The following NEK7 variants were observed in gnomAD, a reference collection of about 807,000 sequenced individuals.
NEK7 encodes the protein NIMA related kinase 7.
A neutral mutation model predicts 44.6 loss-of-function variants in NEK7; 18 were observed. The observed-to-expected ratio is 0.40, with a 90% CI of 0.28 to 0.60. The LOEUF is 0.60. Ranked by LOEUF, NEK7 falls within the 20% of genes least tolerant of loss-of-function variation. NEK7 has a pLI of 0.38. For missense variants in NEK7, 256 were observed against 366.5 expected, an observed-to-expected ratio of 0.70 and a Z score of 2.46; for synonymous variants, 130 against 121.1, an observed-to-expected ratio of 1.07 and a Z score of -0.48.
At chr1:198,310,682 C>T (rs12145489) in intron 9 of NEK7, among the ~76,000 whole-genome samples, 1,830 of 152,200 alleles carry the variant, frequency 0.012, 18 homozygotes, top group Middle Eastern at 0.037. Flanking sequence ...TTCCCCAACA[C>T]CATTTATTAA....
At chr1:198,300,373 C>A (rs901109574) in intron 9 of NEK7, among the ~76,000 whole-genome samples, 34 of 152,298 alleles carry the variant, frequency 2.2e-4, no homozygotes, top group African/African-American at 8.2e-4. Flanking sequence ...TAACTCTTAT[C>A]AATGCAAGTT....
At chr1:198,278,899 T>G in intron 6 of NEK7, 55 bp from the exon 7 acceptor site, 3 of 968,342 alleles carry the variant, frequency 3.1e-6, no homozygotes, top group Non-Finnish European at 4.8e-6. Flanking sequence ...GTTAATTCCT[T>G]TAAAATTTCT....
chr1:198,252,528 C>CCATATA (rs1553253585), intron 2 of NEK7, among the ~76,000 whole-genome samples: 1 of 32,694 alleles, frequency 3.1e-5, no homozygotes, highest in Admixed American at 3.5e-4. Flanking sequence ...ATCTCACATA[C>CCATATA]TATATATATA....
intron 7 of NEK7, among the ~76,000 whole-genome samples, chr1:198,287,849 T>C (rs191808716): frequency 6.6e-6 from 1 of 152,374 alleles, no homozygotes; most frequent in Admixed American, 6.5e-5. Flanking sequence ...CTTGAACTGC[T>C]GTTTACCTTT....
At chr1:198,182,740 T>A (rs1007218811) in intron 1 of NEK7, among the ~76,000 whole-genome samples, 8 of 152,168 alleles carry the variant, frequency 5.3e-5, no homozygotes, top group African/African-American at 1.9e-4. Context: ...TAAAATATAG[T>A]ACAACTGATT....
chr1:198,168,050 C>A (rs1048241876), intron 1 of NEK7, among the ~76,000 whole-genome samples: 1 of 152,214 alleles, frequency 6.6e-6, no homozygotes, highest in African/African-American at 2.4e-5. Context: ...TTATAAACAG[C>A]ACAAGCCCTT....
chr1:198,243,887 T>C (rs1198928290), intron 2 of NEK7, among the ~76,000 whole-genome samples: 3 of 151,474 alleles, frequency 2.0e-5, no homozygotes, highest in Non-Finnish European at 2.9e-5. Flanking sequence ...GTGGCACATA[T>C]GGTGTTTTTT....
At chr1:198,201,299 A>G (rs1341943988) in intron 1 of NEK7, among the ~76,000 whole-genome samples, 1 of 152,176 alleles carries the variant, frequency 6.6e-6, no homozygotes, top group East Asian at 1.9e-4. Context: ...ATGGGTCTGT[A>G]TTCTATGCTG....
intron 1 of NEK7, among the ~76,000 whole-genome samples, chr1:198,195,006 T>G (rs1160706214): frequency 6.6e-6 from 1 of 152,152 alleles, no homozygotes; most frequent in Non-Finnish European, 1.5e-5. Context: ...ATAATAGCCT[T>G]TTGACTTTTT....
intron 9 of NEK7, among the ~76,000 whole-genome samples, chr1:198,301,322 G>A (rs1384106837): frequency 1.3e-5 from 2 of 152,160 alleles, no homozygotes; most frequent in Admixed American, 6.5e-5. Context: ...AGGCCGAGGC[G>A]GGCGGATCAC....
chr1:198,315,301 T>G lies in NEK7; in HGVS notation c.799-4111T>G, dbSNP rs7539335. Reference sequence around the variant, plus strand: ...GCCTCGCCCTGCTTCGGCTCGCGCATGGTGCGCGCACCCACTGACCTGCGC... The same window carrying G: ...GCCTCGCCCTGCTTCGGCTCGCGCAGGGTGCGCGCACCCACTGACCTGCGC... On this transcript the variant is annotated intron_variant, in intron 9 of 9. Transcript: ENST00000367385. Among the ~76,000 whole-genome samples the G allele has an allele frequency of 5.2e-4, 79 of 151,996 alleles. 1 individual carries two copies. The highest frequency in any genetic ancestry group is 1.8e-3 in the African/African-American group (75 of 41,406).
At chr1:198,173,561 A>G (rs1354935091) in intron 1 of NEK7, among the ~76,000 whole-genome samples, 2 of 152,160 alleles carry the variant, frequency 1.3e-5, no homozygotes, top group Non-Finnish European at 2.9e-5. Flanking sequence ...TTTTCTTGTC[A>G]ACATAAAATA....
At chr1:198,178,962 A>G (rs1664681087) in intron 1 of NEK7, among the ~76,000 whole-genome samples, 1 of 151,818 alleles carries the variant, frequency 6.6e-6, no homozygotes, top group Admixed American at 6.6e-5. Flanking sequence ...AGCTTAGTAG[A>G]ATAGAAAAGC....
intron 1 of NEK7, among the ~76,000 whole-genome samples, chr1:198,197,036 ATTTG>A (rs1665261768): frequency 6.6e-6 from 1 of 152,128 alleles, no homozygotes. Flanking sequence ...TGGCAGATGT[ATTTG>A]TTTGGTGAAT....
chr1:198,240,161 G>C (rs1666643394), intron 2 of NEK7, among the ~76,000 whole-genome samples: 1 of 152,170 alleles, frequency 6.6e-6, no homozygotes, highest in African/African-American at 2.4e-5. Context: ...ATGACTGTGT[G>C]ACAATATTGA....
intron 1 of NEK7, among the ~76,000 whole-genome samples, chr1:198,188,529 G>A (rs968817683): frequency 6.6e-6 from 1 of 152,036 alleles, no homozygotes; most frequent in Non-Finnish European, 1.5e-5. Flanking sequence ...ACCATTGGCA[G>A]GGAGTAAGCA....
intron 1 of NEK7, among the ~76,000 whole-genome samples, chr1:198,229,735 A>G (rs1394782687): frequency 6.6e-6 from 1 of 152,202 alleles, no homozygotes; most frequent in African/African-American, 2.4e-5. Context: ...TTTTAAGTTT[A>G]CATTCAATAT....
rs565699417 is a variant in NEK7, at chr1:198,252,762, CAT to C, written c.58-267_58-266del. 5.3e-3 allele frequency among the ~76,000 whole-genome samples: 791 copies of C among 150,382 alleles called. 9 individuals are homozygous for C. The highest frequency in any genetic ancestry group is 0.018 in the African/African-American group (748 of 41,034). Reference sequence around the variant, plus strand: ...TGTTTTATATATTTATTAAAACACACATATATATATATGTATGTTTTAATGTA... The same window carrying C: ...TGTTTTATATATTTATTAAAACACACATATATATATGTATGTTTTAATGTA... On this transcript the variant is annotated intron_variant, in intron 2 of 9. Coordinates refer to ENST00000367385, the MANE Select transcript of NEK7 (RefSeq NM_133494.3).
At chr1:198,295,841 G>A (rs1482445532) in intron 8 of NEK7, among the ~76,000 whole-genome samples, 1 of 144,620 alleles carries the variant, frequency 6.9e-6, no homozygotes, top group Non-Finnish European at 1.5e-5. Flanking sequence ...TATTATTATT[G>A]TGGTTCTTTT....
Sources: gnomAD v4.1 joint callset for allele counts (sites outside exome capture counted in the v4.1 genomes callset) on GRCh38, gnomAD v4.1.1 for gene constraint, MANE v1.5 for transcripts, NCBI Gene and HGNC (gene_info 2026-07-23, HGNC 2026-07-21) for gene names.